FHIT: variants seen among roughly 807,000 people sequenced by gnomAD.
FHIT encodes fragile histidine triad diadenosine triphosphatase, also known as bis(5'-adenosyl)-triphosphatase.
FHIT carries 19 observed loss-of-function variants against 17.9 expected under a neutral mutation model. The ratio of observed to expected loss-of-function variants is 1.06; its 90% CI spans 0.74 to 1.56. The LOEUF is 1.56. Ranked by LOEUF, FHIT falls within the 40% of genes most tolerant of loss-of-function variation. The pLI is 0.00. For missense variants in FHIT, 248 were observed against 189.2 expected (o/e 1.31, Z -1.82); for synonymous variants, 81 against 69.7 (o/e 1.16, Z -0.81).
At position 60,996,432 on chromosome 3, in the gene FHIT, G is replaced by A. The variant is rs114482746; in HGVS notation, c.-111+45615C>T. 8.8e-3 allele frequency among the ~76,000 whole-genome samples: 1,333 copies of A among 152,236 alleles called. 14 individuals are homozygous for A. Among genetic ancestry groups the A allele is most frequent in the African/African-American group, 0.03 (1,229 of 41,524 alleles). On this transcript the variant is annotated intron_variant, in intron 3 of 9. Coordinates refer to ENST00000492590, the MANE Select transcript of FHIT (RefSeq NM_002012.4). Reference sequence around the variant, plus strand: ...CAAACCAACCACAGATAGGATACAGGTTCCTATCATCCACCCTTATGATTT... The same window carrying A: ...CAAACCAACCACAGATAGGATACAGATTCCTATCATCCACCCTTATGATTT...
chr3:60,136,694 G>A (rs1699831535), intron 5 of FHIT, among the ~76,000 whole-genome samples: 1 of 152,140 alleles, frequency 6.6e-6, no homozygotes, highest in South Asian at 2.1e-4. Flanking sequence ...ACCCGCAGAT[G>A]TAACATGCAG....
At chr3:60,226,472 CAAAAA>C (rs1189100387) in intron 5 of FHIT, among the ~76,000 whole-genome samples, 5 of 70,138 alleles carry the variant, frequency 7.1e-5, no homozygotes, top group African/African-American at 2.3e-4. Flanking sequence ...AACTCCGTCT[CAAAAA>C]AAAAAAAAAA....
At chr3:60,734,660 T>C (rs1001110628) in intron 4 of FHIT, among the ~76,000 whole-genome samples, 4 of 151,892 alleles carry the variant, frequency 2.6e-5, no homozygotes, top group African/African-American at 9.6e-5. Context: ...CCATCCCACC[T>C]GGCCTCAATC....
chr3:60,367,326 C>A (rs1290082395), intron 5 of FHIT, among the ~76,000 whole-genome samples: 1 of 152,182 alleles, frequency 6.6e-6, no homozygotes, highest in African/African-American at 2.4e-5. Flanking sequence ...AAATAGCTAA[C>A]ACTCCTCAAA....
intron 5 of FHIT, among the ~76,000 whole-genome samples, chr3:60,180,860 A>T (rs750469934): frequency 5.3e-5 from 8 of 152,166 alleles, no homozygotes; most frequent in Non-Finnish European, 8.8e-5. Flanking sequence ...AAGTACTTTG[A>T]TCTTATTTAA....
intron 2 of FHIT, among the ~76,000 whole-genome samples, chr3:61,112,249 C>A (rs2036180088): frequency 6.6e-6 from 1 of 150,862 alleles, no homozygotes; most frequent in Non-Finnish European, 1.5e-5. Flanking sequence ...AGCACTCTAT[C>A]ACCACTGCCT....
At chr3:59,924,325 C>T (rs1705550509) in intron 7 of FHIT, among the ~76,000 whole-genome samples, 1 of 152,112 alleles carries the variant, frequency 6.6e-6, no homozygotes, top group African/African-American at 2.4e-5. Context: ...CTCTTCCTCC[C>T]TCCCATCCAT....
intron 8 of FHIT, among the ~76,000 whole-genome samples, chr3:59,764,125 C>CT (rs1701673482): frequency 1.3e-5 from 2 of 152,192 alleles, no homozygotes; most frequent in Non-Finnish European, 2.9e-5. Flanking sequence ...TACTGGGTCT[C>CT]TCACACACCC....
intron 8 of FHIT, among the ~76,000 whole-genome samples, chr3:59,832,831 G>A (rs1211540404): frequency 1.3e-5 from 2 of 152,166 alleles, no homozygotes; most frequent in Non-Finnish European, 2.9e-5. Context: ...TTGAGTGAAA[G>A]ACTATTTATG....
At chr3:60,965,188 C>T (rs1452920432) in intron 3 of FHIT, among the ~76,000 whole-genome samples, 1 of 151,876 alleles carries the variant, frequency 6.6e-6, no homozygotes, top group Non-Finnish European at 1.5e-5. Flanking sequence ...ATTTGTTCTT[C>T]AATCACTGAT....
chr3:60,892,218 T>A (rs571084457), intron 3 of FHIT, among the ~76,000 whole-genome samples: 1 of 152,360 alleles, frequency 6.6e-6, no homozygotes, highest in South Asian at 2.1e-4. Flanking sequence ...TAACATATCC[T>A]CTTTTTGAAA....
intron 8 of FHIT, among the ~76,000 whole-genome samples, chr3:59,797,178 T>C (rs1315904342): frequency 1.3e-5 from 2 of 151,126 alleles, no homozygotes; most frequent in Non-Finnish European, 2.9e-5. Context: ...AAGTATTATT[T>C]TGATATTACA....
At chr3:60,596,799 G>A (rs60434311) in intron 4 of FHIT, among the ~76,000 whole-genome samples, 7,570 of 152,050 alleles carry the variant, frequency 0.05, 619 homozygotes, top group African/African-American at 0.17. Context: ...ATAATACAAC[G>A]CCTAGCATGC....
chr3:59,838,639 C>T (rs1368291979), intron 8 of FHIT, among the ~76,000 whole-genome samples: 1 of 152,162 alleles, frequency 6.6e-6, no homozygotes, highest in Non-Finnish European at 1.5e-5. Flanking sequence ...CATATGCCAG[C>T]TCCAAAATGA....
chr3:61,083,389 G>T (rs2035205761), intron 2 of FHIT, among the ~76,000 whole-genome samples: 1 of 152,162 alleles, frequency 6.6e-6, no homozygotes, highest in Non-Finnish European at 1.5e-5. Flanking sequence ...AGGAGATCGA[G>T]ACCATCCTGG....
intron 5 of FHIT, among the ~76,000 whole-genome samples, chr3:60,164,951 C>G (rs1048598217): frequency 2.6e-5 from 4 of 152,164 alleles, no homozygotes; most frequent in Non-Finnish European, 4.4e-5. Context: ...AAACAACCGA[C>G]TTGTGTGAAA....
rs555011588 is a variant in FHIT at position 60,147,278 on chromosome 3, C to T, written c.104-133126G>A. The stretch of plus-strand genomic sequence containing the variant: ...AACTCTCTGTCTTTGCAGAAACCAT[C>T]TCACCTACAAACCGAGTATGAGATA... On this transcript the variant is annotated intron_variant, in intron 5 of 9. Transcript: ENST00000492590. Among the ~76,000 whole-genome samples the T allele has an allele frequency of 2.6e-5, 4 of 152,282 alleles. No homozygotes were observed. The South Asian group carries it at 6.2e-4, about 24-fold the overall frequency.
intron 8 of FHIT, among the ~76,000 whole-genome samples, chr3:59,899,157 A>G (rs1453574012): frequency 6.6e-6 from 1 of 152,154 alleles, no homozygotes; most frequent in Non-Finnish European, 1.5e-5. Context: ...ACCTTTCTGC[A>G]TTTTGCTCCT....
At chr3:61,000,421 A>G (rs568125317) in intron 3 of FHIT, among the ~76,000 whole-genome samples, 2 of 152,210 alleles carry the variant, frequency 1.3e-5, no homozygotes, top group East Asian at 1.9e-4. Context: ...TAAGACATTA[A>G]AAGGTCAAAG....
Sources: allele counts gnomAD v4.1 joint callset (sites outside exome capture counted in the v4.1 genomes callset), GRCh38; gene constraint gnomAD v4.1.1; transcripts MANE v1.5; gene names NCBI Gene and HGNC (gene_info 2026-07-23, HGNC 2026-07-21).